Variants in MYBPC2 observed in about 807,000 individuals in gnomAD.
The protein encoded by MYBPC2 is myosin-binding protein C, fast-type.
Under a neutral mutation model 137.0 loss-of-function variants are expected in MYBPC2, and 122 were observed. That is an observed-to-expected ratio of 0.89 (90% CI 0.77 to 1.03). MYBPC2 has a LOEUF of 1.03. MYBPC2 is among the 50% of genes least tolerant of loss of function. The pLI, the probability that MYBPC2 is intolerant of heterozygous loss-of-function variation, is 0.00. For missense variants in MYBPC2, 1,500 were observed against 1,534.4 expected, an observed-to-expected ratio of 0.98 and a Z score of 0.37; for synonymous variants, 626 against 612.3, an observed-to-expected ratio of 1.02 and a Z score of -0.33.
In MYBPC2 at chr19:50,445,892, T is replaced by C. The variant is rs77572824; in HGVS notation, c.1146T>C (p.Gly382=). The change falls in exon 12 of 28, where the codon GGT becomes GGC. Residue 382 remains glycine, a synonymous_variant. Transcript: ENST00000357701. The part of the protein sequence containing the change: ...EGAQVMWMKD[G]VELTREDSFK... ...CTCACCCACCTAGGATGAAAGATGGTGTGGAACTGACTCGGGAGGATTCCT... is the reference window on the plus strand; with the variant it reads ...CTCACCCACCTAGGATGAAAGATGGCGTGGAACTGACTCGGGAGGATTCCT... 3 of 1,607,004 alleles carry C rather than the reference T, an allele frequency of 1.9e-6. No homozygotes were observed. Among genetic ancestry groups the C allele is most frequent in the Non-Finnish European group, 2.5e-6 (3 of 1,176,806 alleles).
rs754661599 is a variant in MYBPC2, at chr19:50,448,221, C to G, written c.1307-4C>G. ...CGGCTCCTTGTCTTTCTCTCCCTGA[C>G]CAGAGAAACAGCTGGAGGTCCTGCA... On this transcript the variant is annotated splice_region_variant and splice_polypyrimidine_tract_variant and intron_variant, in intron 12 of 27. Coordinates refer to ENST00000357701, the MANE Select transcript of MYBPC2 (RefSeq NM_004533.4). 6.2e-7 allele frequency: 1 copy of G among 1,612,620 alleles called. No individual in the cohort carries two copies. Among genetic ancestry groups the G allele is most frequent in the South Asian group, 1.1e-5 (1 of 90,976 alleles).
intron 26 of MYBPC2, among the ~76,000 whole-genome samples, chr19:50,463,425 A>C (rs1028599137): frequency 1.3e-5 from 2 of 152,042 alleles, no homozygotes; most frequent in Non-Finnish European, 2.9e-5. Context: ...CATTCCACTC[A>C]TTTATCCACC....
chr19:50,460,872 G>C (rs1357616952), intron 24 of MYBPC2, among the ~76,000 whole-genome samples: 1 of 151,852 alleles, frequency 6.6e-6, no homozygotes, highest in East Asian at 1.9e-4. Flanking sequence ...GCTAATTTTT[G>C]TAGAGACAGG....
rs556440574 is a variant in MYBPC2 at position 50,448,555 on chromosome 19, G to A, written c.1472+165G>A. On this transcript the variant is annotated intron_variant, in intron 13 of 27. Coordinates refer to ENST00000357701, the MANE Select transcript of MYBPC2 (RefSeq NM_004533.4). ...GCGATCTCAGCTCACTGCAACCTCC[G>A]CCTCCCGGATTCAAGCGATTCTCCT... Among the ~76,000 whole-genome samples, 335 of 151,964 alleles carry A rather than the reference G, an allele frequency of 2.2e-3. 1 individual carries two copies. Among genetic ancestry groups the A allele is most frequent in the African/African-American group, 7.9e-3 (326 of 41,418 alleles).
chr19:50,450,986 A>G (rs1412450436), intron 14 of MYBPC2, 51 bp downstream of exon 14: 1 of 1,494,294 alleles, frequency 6.7e-7, no homozygotes, highest in Non-Finnish European at 9.1e-7. Flanking sequence ...CCACCCTCGC[A>G]GACCCAGGGC....
intron 18 of MYBPC2, among the ~76,000 whole-genome samples, chr19:50,454,679 G>A (rs1488952489): frequency 6.6e-6 from 1 of 151,976 alleles, no homozygotes; most frequent in African/African-American, 2.4e-5. Flanking sequence ...GCCCACTTCA[G>A]ACTCCCAAAG....
At chr19:50,438,605 C>G (rs1319100236) in intron 7 of MYBPC2, among the ~76,000 whole-genome samples, 1 of 152,090 alleles carries the variant, frequency 6.6e-6, no homozygotes. Context: ...GTGGTTCACG[C>G]CTATAATCCC....
rs1022205743 is a variant in MYBPC2, at chr19:50,464,430, C to G, written c.3313C>G (p.Leu1105Val). The part of the protein sequence containing the change: ...LITNYQGVLT[L>V]NIRRPSPFDA... ...AACCAATTACCAAGGAGTCCTGACG[C>G]TGAACATCCGTCGCCCCTCGCCCTT... Residue 1105 changes from leucine (L) to valine (V), a missense_variant, in exon 27 of 28, where the codon CTG (leucine) becomes GTG (valine). Coordinates refer to ENST00000357701, the MANE Select transcript of MYBPC2 (RefSeq NM_004533.4). 6.2e-7 allele frequency: 1 copy of G among 1,611,920 alleles called. No homozygotes were observed. The highest frequency in any genetic ancestry group is 8.5e-7 in the Non-Finnish European group (1 of 1,179,212).
intron 11 of MYBPC2, among the ~76,000 whole-genome samples, chr19:50,444,282 CCATCCATT>C (rs561832193): frequency 0.012 from 1,103 of 91,420 alleles, 11 homozygotes; most frequent in East Asian, 0.053. Flanking sequence ...AACCATCTGT[CCATCCATT>C]CATCCATCCA....
intron 13 of MYBPC2, among the ~76,000 whole-genome samples, chr19:50,448,791 T>A (rs895907166): frequency 3.2e-4 from 48 of 149,624 alleles, no homozygotes; most frequent in African/African-American, 1.2e-3. Context: ...TTTTTTTTTT[T>A]TTGAGTCAGA....
At chr19:50,455,079 C>T (rs2039896058) in intron 18 of MYBPC2, 29 bp from the exon 19 acceptor site, 4 of 1,586,640 alleles carry the variant, frequency 2.5e-6, no homozygotes, top group Non-Finnish European at 3.4e-6. Flanking sequence ...CTCCCGTTCC[C>T]TCTTCTCCTC....
rs891493735 is a variant in MYBPC2, at chr19:50,449,360, G to A, written c.1472+970G>A. On this transcript the variant is annotated intron_variant, in intron 13 of 27. Transcript: ENST00000357701. ...GGGACAGCTGGGCGCCCAGCACGCC[G>A]CTCCCTATGGCACCTCCTCCTCCTC... 2.6e-5 allele frequency among the ~76,000 whole-genome samples: 4 copies of A among 152,152 alleles called. No homozygotes were observed. The South Asian group carries it at 6.2e-4, about 24-fold the overall frequency.
intron 9 of MYBPC2, among the ~76,000 whole-genome samples, chr19:50,442,811 C>G (rs2039768424): frequency 6.6e-6 from 1 of 151,732 alleles, no homozygotes; most frequent in Non-Finnish European, 1.5e-5. Flanking sequence ...GAGTTTCGCT[C>G]TTGTTGCCCA....
At chr19:50,445,766 C>T in intron 11 of MYBPC2, 114 bp from the exon 12 acceptor site, 1 of 1,069,102 alleles carries the variant, frequency 9.4e-7, no homozygotes, top group Non-Finnish European at 1.3e-6. Flanking sequence ...ATGTCTCCTC[C>T]CTCCGGGGAC....
intron 11 of MYBPC2, 36 bp from the exon 12 acceptor site, chr19:50,445,844 T>C: frequency 6.4e-7 from 1 of 1,566,648 alleles, no homozygotes; most frequent in South Asian, 1.2e-5. Flanking sequence ...AGCTGTGCTG[T>C]CTCCTCACAT....
At chr19:50,448,900 T>C (rs996726296) in intron 13 of MYBPC2, among the ~76,000 whole-genome samples, 8 of 151,942 alleles carry the variant, frequency 5.3e-5, no homozygotes, top group African/African-American at 1.9e-4. Flanking sequence ...ATGCTAATTT[T>C]TGCATTTTTA....
chr19:50,458,523 G>C (rs1473969779), intron 20 of MYBPC2, 64 bp from the exon 21 acceptor site: 1 of 1,572,878 alleles, frequency 6.4e-7, no homozygotes, highest in African/African-American at 1.3e-5. Flanking sequence ...CAAGTCCCCG[G>C]GAGAAACGGG....
chr19:50,455,010 T>C, intron 18 of MYBPC2, 98 bp from the exon 19 acceptor site: 1 of 1,175,804 alleles, frequency 8.5e-7, no homozygotes, highest in East Asian at 2.6e-5. Flanking sequence ...CGGACCGCCC[T>C]GGCCATGCGA....
rs533358787 is a variant in MYBPC2, at chr19:50,460,495, T to C, written c.2931+316T>C. Among the ~76,000 whole-genome samples, 194 of 152,238 alleles carry C rather than the reference T, an allele frequency of 1.3e-3. 1 individual carries two copies. Among genetic ancestry groups the C allele is most frequent in the Admixed American group, 4.9e-3 (75 of 15,298 alleles). ...CATTTTCATCCCCCAGAGGAAGCCCTGTACCCAATAGCGCTACCCCCTGGT... is the reference window on the plus strand; with the variant it reads ...CATTTTCATCCCCCAGAGGAAGCCCCGTACCCAATAGCGCTACCCCCTGGT... On this transcript the variant is annotated intron_variant, in intron 24 of 27. Coordinates refer to ENST00000357701, the MANE Select transcript of MYBPC2 (RefSeq NM_004533.4).
Sources: gnomAD v4.1 joint callset for allele counts (sites outside exome capture counted in the v4.1 genomes callset) on GRCh38, gnomAD v4.1.1 for gene constraint, MANE v1.5 for transcripts, NCBI Gene and HGNC (gene_info 2026-07-23, HGNC 2026-07-21) for gene names.